Variants in NXN observed in about 807,000 individuals in gnomAD.
NXN encodes the protein nucleoredoxin 1.
A neutral mutation model predicts 48.6 loss-of-function variants in NXN; 16 were observed. That is an observed-to-expected ratio of 0.33 (90% CI 0.22 to 0.50). NXN has a LOEUF of 0.50. Ranked by LOEUF, NXN falls within the 20% of genes least tolerant of loss-of-function variation. The pLI, the probability that NXN is intolerant of heterozygous loss-of-function variation, is 0.98. For missense variants in NXN, 492 were observed against 605.5 expected, an observed-to-expected ratio of 0.81 and a Z score of 1.97; for synonymous variants, 281 against 269.6, an observed-to-expected ratio of 1.04 and a Z score of -0.41.
intron 1 of NXN, among the ~76,000 whole-genome samples, chr17:837,605 G>T (rs1322840280): frequency 6.6e-6 from 1 of 152,162 alleles, no homozygotes; most frequent in Non-Finnish European, 1.5e-5. Context: ...TTGTTCCTGG[G>T]GGGCCCAGAA....
At chr17:885,838 G>A (rs1301141644) in intron 1 of NXN, among the ~76,000 whole-genome samples, 11 of 137,688 alleles carry the variant, frequency 8.0e-5, no homozygotes, top group Non-Finnish European at 1.5e-4. Flanking sequence ...CCGCCACCAC[G>A]CCCGGCTAAT....
chr17:839,384 G>A (rs1914011557), intron 1 of NXN, among the ~76,000 whole-genome samples: 1 of 151,994 alleles, frequency 6.6e-6, no homozygotes, highest in Admixed American at 6.6e-5. Context: ...GCAGTGAGCC[G>A]AGGTCACACC....
intron 1 of NXN, among the ~76,000 whole-genome samples, chr17:850,337 C>G (rs971779337): frequency 1.3e-5 from 2 of 152,198 alleles, no homozygotes; most frequent in African/African-American, 4.8e-5. Context: ...TGCCTTCAGA[C>G]AAGGGAGCAA....
rs1461840788 is a variant in NXN at position 978,691 on chromosome 17, A to G, written c.360+628T>C. 6.6e-6 allele frequency: 1 copy of G among 152,214 alleles called. No homozygotes were observed. The highest frequency in any genetic ancestry group is 1.5e-5 in the Non-Finnish European group (1 of 68,064). 9.4% of individuals were successfully genotyped at this position (152,214 alleles called of 1,614,324 possible). A position where few individuals can be genotyped will look rare whatever the true frequency, so the allele number is the denominator to read the frequency against. On this transcript the variant is annotated intron_variant, in intron 1 of 7. Transcript: ENST00000336868. The surrounding 1 kb of genome is among the most constrained non-coding windows in gnomAD (Gnocchi z 4.1). ...GTGAGCGCCCTTCTCGGCCACAGCC[A>G]CGGCCACGGTCACCGGCCGCCTCTC...
intron 1 of NXN, among the ~76,000 whole-genome samples, chr17:887,051 G>A (rs533430457): frequency 6.6e-6 from 1 of 152,010 alleles, no homozygotes. Flanking sequence ...GGGACTACAA[G>A]GCGTGAACCA....
rs925574814 is a variant in NXN at position 956,559 on chromosome 17, G to T, written c.360+22760C>A. On this transcript the variant is annotated intron_variant, in intron 1 of 7. Coordinates refer to ENST00000336868, the MANE Select transcript of NXN (RefSeq NM_022463.5). The surrounding 1 kb of genome is among the most constrained non-coding windows in gnomAD (Gnocchi z 4.1). ...CTCCCAAGTAGCTGGGACTACAGGC[G>T]CCCGCCACCACGTCCGGCTAATTTT... 2.0e-5 allele frequency among the ~76,000 whole-genome samples: 3 copies of T among 152,022 alleles called. No individual in the cohort carries two copies. Among genetic ancestry groups the T allele is most frequent in the Non-Finnish European group, 4.4e-5 (3 of 67,998 alleles).
intron 1 of NXN, among the ~76,000 whole-genome samples, chr17:866,186 T>G (rs1443715051): frequency 1.3e-5 from 2 of 152,166 alleles, no homozygotes; most frequent in East Asian, 3.9e-4. Flanking sequence ...GGCAAGATAT[T>G]AGATTTTTTT....
At chr17:906,554 G>C (rs1257883109) in intron 1 of NXN, among the ~76,000 whole-genome samples, 1 of 119,264 alleles carries the variant, frequency 8.4e-6, no homozygotes, top group Non-Finnish European at 1.8e-5. Context: ...AGTGTTTTGG[G>C]GTTTTTTTGG....
At chr17:820,279 T>C (rs540871302) in intron 4 of NXN, among the ~76,000 whole-genome samples, 6 of 152,242 alleles carry the variant, frequency 3.9e-5, no homozygotes, top group Non-Finnish European at 5.9e-5. Context: ...TTACAATATA[T>C]ACATTATGCC....
At chr17:811,920 CTTTTTTTTT>C (rs34383551) in intron 5 of NXN, among the ~76,000 whole-genome samples, 1 of 73,174 alleles carries the variant, frequency 1.4e-5, no homozygotes, top group East Asian at 5.2e-4. Context: ...CCCAGTTCTG[CTTTTTTTTT>C]TTTTTTTTTT....
At position 830,386 on chromosome 17, in the gene NXN, G is replaced by A. The variant is rs770151515; in HGVS notation, c.361-4308C>T. 2.6e-5 allele frequency among the ~76,000 whole-genome samples: 4 copies of A among 152,032 alleles called. No individual in the cohort carries two copies. The highest frequency in any genetic ancestry group is 2.1e-4 in the South Asian group (1 of 4,814). ...AGAAGTAACAGAAAGAAAACAGGGC[G>A]GGTAAGATCACGGCTGCAACTGGGA... On this transcript the variant is annotated intron_variant, in intron 1 of 7. Coordinates refer to ENST00000336868, the MANE Select transcript of NXN (RefSeq NM_022463.5). This position sits in a 1 kb window ranked among gnomAD's most constrained non-coding sequence, Gnocchi z 4.2.
rs566049676 is a variant in NXN at position 804,022 on chromosome 17, A to T, written c.1001-216T>A. 2.2e-5 allele frequency: 13 copies of T among 587,394 alleles called. No individual in the cohort carries two copies. The East Asian group carries it at 3.9e-4, about 18-fold the overall frequency. 36.4% of individuals were successfully genotyped at this position (587,394 alleles called of 1,614,324 possible). On this transcript the variant is annotated intron_variant, in intron 6 of 7. Transcript: ENST00000336868. ...AGCAAAGCTCACAGTGCTCTCCTGC[A>T]CCGGGCTCCCCAGGAGGAACCTGCC...
At chr17:954,460 G>GC (rs1307112461) in intron 1 of NXN, among the ~76,000 whole-genome samples, 1 of 152,192 alleles carries the variant, frequency 6.6e-6, no homozygotes, top group Non-Finnish European at 1.5e-5. Context: ...GTCTGACCCG[G>GC]CAGCCTCCCT....
chr17:878,986 G>A (rs760039861), intron 1 of NXN, among the ~76,000 whole-genome samples: 3 of 152,000 alleles, frequency 2.0e-5, no homozygotes, highest in South Asian at 2.1e-4. Context: ...CCAACATGGC[G>A]AAACCCTCTC....
intron 1 of NXN, among the ~76,000 whole-genome samples, chr17:899,083 G>C (rs955620678): frequency 6.6e-6 from 1 of 151,324 alleles, no homozygotes; most frequent in African/African-American, 2.4e-5. Flanking sequence ...TCAGCCTCCC[G>C]AGTAGCTGGG....
intron 5 of NXN, among the ~76,000 whole-genome samples, chr17:806,542 A>T (rs898035396): frequency 6.6e-6 from 1 of 151,586 alleles, no homozygotes; most frequent in Admixed American, 6.6e-5. Context: ...CCCTTCGGGG[A>T]CCTTTGTCTC....
In NXN at chr17:849,758, G is replaced by C. The variant is rs1405003787; in HGVS notation, c.361-23680C>G. Among the ~76,000 whole-genome samples the C allele has an allele frequency of 6.6e-6, 1 of 152,196 alleles. No individual in the cohort carries two copies. Among genetic ancestry groups the C allele is most frequent in the African/African-American group, 2.4e-5 (1 of 41,448 alleles). ...GCTGAAGAGCTGACAGTGGAGGTGA[G>C]AACCATAAACTCACGTCAAGGGCAG... On this transcript the variant is annotated intron_variant, in intron 1 of 7. Transcript: ENST00000336868. This position sits in a 1 kb window ranked among gnomAD's most constrained non-coding sequence, Gnocchi z 4.2.
intron 1 of NXN, among the ~76,000 whole-genome samples, chr17:895,927 G>T (rs2068479595): frequency 1.3e-5 from 2 of 152,192 alleles, no homozygotes; most frequent in Admixed American, 1.3e-4. Context: ...CTGTTGATGG[G>T]CTGGGGGCAG....
intron 1 of NXN, among the ~76,000 whole-genome samples, chr17:954,673 G>A (rs1450167238): frequency 6.6e-6 from 1 of 152,190 alleles, no homozygotes; most frequent in African/African-American, 2.4e-5. Context: ...ACACCACTCG[G>A]GAAGGGGGCT....
Sources: allele counts gnomAD v4.1 joint callset (sites outside exome capture counted in the v4.1 genomes callset), GRCh38; gene constraint gnomAD v4.1.1; non-coding constraint Gnocchi (gnomAD v3.1); transcripts MANE v1.5; gene names NCBI Gene and HGNC (gene_info 2026-07-23, HGNC 2026-07-21).